The following ARHGAP15 variants were observed in gnomAD, a reference collection of about 807,000 sequenced individuals.
ARHGAP15 encodes rho GTPase-activating protein 15.
A neutral mutation model predicts 63.7 loss-of-function variants in ARHGAP15; 51 were observed. That is an observed-to-expected ratio of 0.80 (90% CI 0.64 to 1.01). The LOEUF is 1.01. Among genes scored for constraint, ARHGAP15 ranks in the 50% least tolerant of loss-of-function variants. The pLI, the probability that ARHGAP15 is intolerant of heterozygous loss-of-function variation, is 0.00. For missense variants in ARHGAP15, 560 were observed against 564.6 expected (o/e 0.99, Z 0.08); for synonymous variants, 191 against 193.8 (o/e 0.99, Z 0.12).
intron 2 of ARHGAP15, among the ~76,000 whole-genome samples, chr2:143,166,095 C>A (rs532326404): frequency 6.6e-6 from 1 of 151,946 alleles, no homozygotes; most frequent in Admixed American, 6.6e-5. Context: ...CTTGAAAATG[C>A]TAATGAATTA....
At chr2:143,190,446 A>G (rs1051938231) in intron 2 of ARHGAP15, among the ~76,000 whole-genome samples, 2 of 152,166 alleles carry the variant, frequency 1.3e-5, no homozygotes, top group African/African-American at 2.4e-5. Flanking sequence ...TGCCTCTGAC[A>G]TATCTGGGAG....
At chr2:143,340,833 A>G (rs931824898) in intron 6 of ARHGAP15, among the ~76,000 whole-genome samples, 1 of 152,116 alleles carries the variant, frequency 6.6e-6, no homozygotes, top group Non-Finnish European at 1.5e-5. Flanking sequence ...TACTGAAAAA[A>G]TATTTTTCTT....
intron 6 of ARHGAP15, among the ~76,000 whole-genome samples, chr2:143,394,774 A>C (rs1236613204): frequency 1.3e-5 from 2 of 152,146 alleles, no homozygotes; most frequent in East Asian, 3.9e-4. Flanking sequence ...TGCTTGTTAG[A>C]GTTAAGGAGA....
At chr2:143,355,400 G>T (rs1052400933) in intron 6 of ARHGAP15, among the ~76,000 whole-genome samples, 2 of 152,058 alleles carry the variant, frequency 1.3e-5, no homozygotes, top group African/African-American at 4.8e-5. Context: ...ATGTTCTGAA[G>T]TTATACATTT....
At chr2:143,541,882 G>A (rs1427964740) in intron 10 of ARHGAP15, among the ~76,000 whole-genome samples, 3 of 152,208 alleles carry the variant, frequency 2.0e-5, no homozygotes, top group Admixed American at 6.5e-5. Flanking sequence ...TTTGCTGGGC[G>A]AACCACTACT....
intron 13 of ARHGAP15, among the ~76,000 whole-genome samples, chr2:143,717,506 T>G (rs1385362546): frequency 2.6e-5 from 4 of 152,228 alleles, no homozygotes; most frequent in Non-Finnish European, 5.9e-5. Flanking sequence ...TGAACCCAAA[T>G]GAAAACCTCA....
At chr2:143,218,199 CTGTTT>C (rs1692834718) in intron 4 of ARHGAP15, among the ~76,000 whole-genome samples, 1 of 149,926 alleles carries the variant, frequency 6.7e-6, no homozygotes, top group Admixed American at 6.6e-5. Flanking sequence ...TGTTTGTACT[CTGTTT>C]TATTATTTCA....
intron 3 of ARHGAP15, among the ~76,000 whole-genome samples, chr2:143,206,310 T>C (rs185235295): frequency 6.9e-4 from 105 of 152,260 alleles, no homozygotes; most frequent in African/African-American, 2.4e-3. Flanking sequence ...CTAGTACTTG[T>C]TCAGGAAAGA....
chr2:143,687,115 T>G (rs560528287), intron 12 of ARHGAP15, among the ~76,000 whole-genome samples: 8 of 152,218 alleles, frequency 5.3e-5, no homozygotes, highest in Non-Finnish European at 5.9e-5. Context: ...GCTGGGTAAC[T>G]ATCTTATTTC....
rs896763090 is a variant in ARHGAP15 at position 143,228,817 on chromosome 2, G to A, written c.384+149G>A. The A allele has an allele frequency of 1.5e-5, 8 of 543,166 alleles. No homozygotes were observed. In the African/African-American group the frequency reaches 1.6e-4, roughly 11 times the overall value. The allele number at this position is 543,166 out of a possible 1,614,324, so 33.6% of individuals were successfully genotyped here. On this transcript the variant is annotated intron_variant, in intron 5 of 13. Coordinates refer to ENST00000295095, the MANE Select transcript of ARHGAP15 (RefSeq NM_018460.4). Reference sequence around the variant, plus strand: ...AAATGACTCAATAAACTTTTAATCAGATGAAGGGAAAATAGAACTTAGTGT... The same window carrying A: ...AAATGACTCAATAAACTTTTAATCAAATGAAGGGAAAATAGAACTTAGTGT...
chr2:143,226,179 T>A (rs1398103775), intron 4 of ARHGAP15, among the ~76,000 whole-genome samples: 1 of 152,212 alleles, frequency 6.6e-6, no homozygotes, highest in South Asian at 2.1e-4. Flanking sequence ...AAAGTCCTTA[T>A]AAAGAACAAT....
At chr2:143,717,823 C>T (rs532932513) in intron 13 of ARHGAP15, among the ~76,000 whole-genome samples, 9 of 151,232 alleles carry the variant, frequency 6.0e-5, no homozygotes, top group Admixed American at 2.6e-4. Context: ...ACATAGCACC[C>T]GCTCCAGGAA....
intron 10 of ARHGAP15, among the ~76,000 whole-genome samples, chr2:143,540,347 G>A (rs1694989470): frequency 6.6e-6 from 1 of 152,166 alleles, no homozygotes; most frequent in Non-Finnish European, 1.5e-5. Context: ...GCCAGTCTGT[G>A]CCTTTTAACT....
At chr2:143,337,119 C>T (rs1264475332) in intron 6 of ARHGAP15, among the ~76,000 whole-genome samples, 2 of 151,912 alleles carry the variant, frequency 1.3e-5, no homozygotes, top group Non-Finnish European at 2.9e-5. Context: ...GAAGGTGGAG[C>T]TTGGATAGGT....
At chr2:143,630,122 G>A (rs1699004940) in intron 12 of ARHGAP15, among the ~76,000 whole-genome samples, 1 of 151,900 alleles carries the variant, frequency 6.6e-6, no homozygotes, top group African/African-American at 2.4e-5. Flanking sequence ...TAAATTAATG[G>A]TCAGAAATTT....
At chr2:143,304,690 A>T (rs1471311403) in intron 6 of ARHGAP15, among the ~76,000 whole-genome samples, 1 of 152,126 alleles carries the variant, frequency 6.6e-6, no homozygotes, top group Non-Finnish European at 1.5e-5. Flanking sequence ...AATGAATATC[A>T]CTTATTTAAA....
chr2:143,733,458 T>A (rs1038625664), intron 13 of ARHGAP15, among the ~76,000 whole-genome samples: 1 of 152,164 alleles, frequency 6.6e-6, no homozygotes, highest in Non-Finnish European at 1.5e-5. Context: ...AGTAAAATAA[T>A]CTGTGTGGAT....
At chr2:143,753,480 G>A (rs921577048) in intron 13 of ARHGAP15, among the ~76,000 whole-genome samples, 9 of 152,298 alleles carry the variant, frequency 5.9e-5, no homozygotes, top group South Asian at 4.1e-4. Flanking sequence ...ACAGTTCTAC[G>A]TACCGGACGA....
chr2:143,555,692 C>T (rs1695757992), intron 10 of ARHGAP15, among the ~76,000 whole-genome samples: 1 of 151,994 alleles, frequency 6.6e-6, no homozygotes, highest in Admixed American at 6.6e-5. Context: ...ACTCATTTTA[C>T]CATTTCGCTA....
Sources: allele counts gnomAD v4.1 joint callset (sites outside exome capture counted in the v4.1 genomes callset), GRCh38; gene constraint gnomAD v4.1.1; transcripts MANE v1.5; gene names NCBI Gene and HGNC (gene_info 2026-07-23, HGNC 2026-07-21).